Variants in TFEC observed in about 807,000 individuals in gnomAD.
The protein encoded by TFEC is class E basic helix-loop-helix protein 34.
Under a neutral mutation model 41.6 loss-of-function variants are expected in TFEC, and 31 were observed. The observed-to-expected ratio is 0.74, with a 90% confidence interval of 0.56 to 1.01. The LOEUF (loss-of-function observed/expected upper bound fraction) is 1.01, where lower values mean the gene tolerates loss of function less well. TFEC is among the 50% of genes least tolerant of loss of function. The pLI, the probability that TFEC is intolerant of heterozygous loss-of-function variation, is 0.00. For synonymous variants in TFEC, 143 were observed against 140.6 expected (o/e 1.02, Z -0.12); for missense variants, 402 against 404.1 (o/e 0.99, Z 0.04).
intron 3 of TFEC, among the ~76,000 whole-genome samples, chr7:116,082,843 C>G (rs1797121606): frequency 6.6e-6 from 1 of 151,832 alleles, no homozygotes; most frequent in Admixed American, 6.6e-5. Context: ...TTTATCAATC[C>G]TGTTCAATGC....
At chr7:115,988,349 T>C (rs1793951292) in intron 1 of TFEC, among the ~76,000 whole-genome samples, 1 of 151,868 alleles carries the variant, frequency 6.6e-6, no homozygotes, top group African/African-American at 2.4e-5. Context: ...AGATGGGCAA[T>C]GCAAACAGAG....
chr7:116,048,077 C>A (rs1168986693), intron 3 of TFEC, among the ~76,000 whole-genome samples: 3 of 152,220 alleles, frequency 2.0e-5, no homozygotes, highest in Non-Finnish European at 4.4e-5. Context: ...CAGAGCGCCT[C>A]TTCTCCTCCA....
chr7:116,149,949 C>T (rs1334823813), intron 1 of TFEC, among the ~76,000 whole-genome samples: 1 of 152,108 alleles, frequency 6.6e-6, no homozygotes, highest in Admixed American at 6.6e-5. Context: ...GGCATCCATG[C>T]AGTAAACTCC....
chr7:115,996,890 T>A (rs1248303306), intron 1 of TFEC, among the ~76,000 whole-genome samples: 1 of 152,020 alleles, frequency 6.6e-6, no homozygotes, highest in Non-Finnish European at 1.5e-5. Flanking sequence ...CTTTGTCTTG[T>A]GGATTGGGTG....
chr7:116,002,058 C>A (rs1794619772), intron 1 of TFEC, among the ~76,000 whole-genome samples: 1 of 152,110 alleles, frequency 6.6e-6, no homozygotes, highest in African/African-American at 2.4e-5. Flanking sequence ...GAAAAAAGAA[C>A]CCTTGTACCC....
intron 3 of TFEC, among the ~76,000 whole-genome samples, chr7:116,046,053 C>T (rs4730705): frequency 0.18 from 27,249 of 152,182 alleles, 2,484 homozygotes; most frequent in East Asian, 0.32. Flanking sequence ...TCCATTGTAT[C>T]TAGGAAGAAC....
intron 1 of TFEC, among the ~76,000 whole-genome samples, chr7:116,005,765 C>G (rs1360068381): frequency 6.6e-6 from 1 of 152,180 alleles, no homozygotes; most frequent in Non-Finnish European, 1.5e-5. Flanking sequence ...GTTTCCAGGG[C>G]ATGACAGAGA....
At position 116,144,626 on chromosome 7, in the gene TFEC, G is replaced by A. The variant is rs147071190; in HGVS notation, c.-69+15164C>T. The stretch of plus-strand genomic sequence containing the variant: ...CCATCTCCCAAAGCATTGGAATAAC[G>A]GGCATGAGCCACCATGCCTGGCCTC... On this transcript the variant is annotated intron_variant, in intron 1 of 8. Coordinates refer to the TFEC transcript ENST00000484212. 6.6e-5 allele frequency among the ~76,000 whole-genome samples: 10 copies of A among 152,112 alleles called. No individual in the cohort carries two copies. In the East Asian group the frequency reaches 9.7e-4, roughly 15 times the overall value.
At chr7:116,110,854 C>T in exon 3 of TFEC, 2 of 1,544,644 alleles carry the variant, frequency 1.3e-6, no homozygotes, top group Non-Finnish European at 8.7e-7. Context: ...CTCTCCTTTT[C>T]TCCTAATTGT....
intron 2 of TFEC, among the ~76,000 whole-genome samples, chr7:115,983,304 T>C (rs1366797151): frequency 1.3e-5 from 2 of 152,090 alleles, no homozygotes; most frequent in Non-Finnish European, 2.9e-5. Flanking sequence ...CACATCCTTA[T>C]TTTTTTCTCT....
intron 3 of TFEC, among the ~76,000 whole-genome samples, chr7:116,059,213 T>C (rs1796496969): frequency 6.6e-6 from 1 of 151,910 alleles, no homozygotes; most frequent in East Asian, 1.9e-4. Flanking sequence ...AAAAGGATGA[T>C]TAGTGTATAT....
intron 3 of TFEC, chr7:116,110,576 G>A (rs1406137227): frequency 3.7e-6 from 2 of 536,936 alleles, no homozygotes; most frequent in Non-Finnish European, 5.8e-6. Context: ...CTGGAAATTG[G>A]GAGGAAGCCC....
intron 1 of TFEC, among the ~76,000 whole-genome samples, chr7:115,991,564 G>A (rs1794114718): frequency 6.6e-6 from 1 of 152,038 alleles, no homozygotes; most frequent in South Asian, 2.1e-4. Context: ...AAAAAAAGGA[G>A]GGGTTGCAAT....
intron 4 of TFEC, among the ~76,000 whole-genome samples, 155 bp from the exon 5 acceptor site, chr7:115,954,797 C>T (rs1792135025): frequency 6.6e-6 from 1 of 151,908 alleles, no homozygotes; most frequent in Non-Finnish European, 1.5e-5. Context: ...ATTTGGAAAA[C>T]AGTACTCTTC....
chr7:115,993,413 A>G (rs1219274784), intron 1 of TFEC, among the ~76,000 whole-genome samples: 1 of 152,226 alleles, frequency 6.6e-6, no homozygotes, highest in Non-Finnish European at 1.5e-5. Context: ...GAGGAAGTCA[A>G]ATTGTCCCTG....
chr7:116,069,684 T>C (rs1158968875), intron 3 of TFEC, among the ~76,000 whole-genome samples: 1 of 151,726 alleles, frequency 6.6e-6, no homozygotes. Context: ...TAATCAGTAG[T>C]TGAGCAATCT....
At chr7:115,965,865 C>T (rs1225333290) in intron 3 of TFEC, among the ~76,000 whole-genome samples, 1 of 151,524 alleles carries the variant, frequency 6.6e-6, no homozygotes, top group East Asian at 1.9e-4. Context: ...TTGGCCTCTT[C>T]CCTCTTCATA....
At chr7:116,118,538 A>T (rs1798041568) in intron 1 of TFEC, among the ~76,000 whole-genome samples, 1 of 151,666 alleles carries the variant, frequency 6.6e-6, no homozygotes. Flanking sequence ...GCTTTGTGGT[A>T]CCTCTTTTGC....
At chr7:116,061,014 G>T (rs907093856) in intron 3 of TFEC, among the ~76,000 whole-genome samples, 4 of 152,042 alleles carry the variant, frequency 2.6e-5, no homozygotes, top group African/African-American at 9.7e-5. Context: ...TGAGTCAGAA[G>T]ACTCAATGTT....
Sources: gnomAD v4.1 joint callset for allele counts (sites outside exome capture counted in the v4.1 genomes callset) on GRCh38, gnomAD v4.1.1 for gene constraint, MANE v1.5 for transcripts, NCBI Gene and HGNC (gene_info 2026-07-23, HGNC 2026-07-21) for gene names.